The following SH3RF3 variants were observed in gnomAD, a reference collection of about 807,000 sequenced individuals.
SH3RF3 encodes SH3 domain containing ring finger 3.
SH3RF3 carries 29 observed loss-of-function variants against 66.3 expected under a neutral mutation model. The observed-to-expected ratio is 0.44, with a 90% CI of 0.33 to 0.60. The LOEUF (loss-of-function observed/expected upper bound fraction) is 0.60, where lower values mean the gene tolerates loss of function less well. SH3RF3 is among the 20% of genes least tolerant of loss of function. The pLI, the probability that SH3RF3 is intolerant of heterozygous loss-of-function variation, is 0.04. For missense variants in SH3RF3, 1,194 were observed against 1,190.9 expected (o/e 1.00, Z -0.04); for synonymous variants, 583 against 532.0 (o/e 1.10, Z -1.32).
intron 7 of SH3RF3, among the ~76,000 whole-genome samples, chr2:109,443,645 A>C (rs1401879697): frequency 5.3e-5 from 8 of 152,240 alleles, no homozygotes; most frequent in Admixed American, 5.2e-4. Flanking sequence ...AAAAATTATT[A>C]GAGATAAAAA....
intron 1 of SH3RF3, among the ~76,000 whole-genome samples, chr2:109,218,003 G>A (rs1199905696): frequency 6.6e-6 from 1 of 152,194 alleles, no homozygotes; most frequent in African/African-American, 2.4e-5. Context: ...GTGCGGACTC[G>A]AGTTTGCTTG....
intron 8 of SH3RF3, among the ~76,000 whole-genome samples, chr2:109,464,095 G>A (rs892481573): frequency 2.6e-5 from 4 of 152,120 alleles, no homozygotes; most frequent in South Asian, 2.1e-4. Flanking sequence ...CCAGCAGGCC[G>A]GGCTGCAGCA....
chr2:109,316,805 A>T (rs1384990821), intron 1 of SH3RF3, among the ~76,000 whole-genome samples: 2 of 152,272 alleles, frequency 1.3e-5, no homozygotes, highest in South Asian at 4.2e-4. Flanking sequence ...CTATCTGGTT[A>T]TCCCTCCCTG....
intron 1 of SH3RF3, among the ~76,000 whole-genome samples, chr2:109,291,225 A>G (rs1469568950): frequency 6.6e-6 from 1 of 152,184 alleles, no homozygotes; most frequent in African/African-American, 2.4e-5. Flanking sequence ...ATTATGGAGA[A>G]ATGCCAGAAA....
intron 1 of SH3RF3, among the ~76,000 whole-genome samples, chr2:109,329,433 A>G (rs1402888009): frequency 6.6e-6 from 1 of 152,212 alleles, no homozygotes; most frequent in Non-Finnish European, 1.5e-5. Context: ...TTTCAATGAG[A>G]TGTAAATCAG....
chr2:109,132,165 A>G (rs1469529), intron 1 of SH3RF3, among the ~76,000 whole-genome samples: 80,356 of 152,034 alleles, frequency 0.53, 22,111 homozygotes, highest in South Asian at 0.65. Context: ...CTAATATGCC[A>G]TGATAGCAGG....
At chr2:109,187,362 T>TTG (rs869241814) in intron 1 of SH3RF3, among the ~76,000 whole-genome samples, 2 of 3,596 alleles carry the variant, frequency 5.6e-4, no homozygotes, top group Non-Finnish European at 8.6e-4. Context: ...AACCACAGAC[T>TTG]TTTTTTTTTT....
In SH3RF3 at chr2:109,341,301, G is replaced by A. The variant is rs11679420; in HGVS notation, c.574-6373G>A. Among the ~76,000 whole-genome samples the A allele has an allele frequency of 6.6e-5, 10 of 152,266 alleles. No individual in the cohort carries two copies. The East Asian group carries it at 7.7e-4, about 12-fold the overall frequency. On this transcript the variant is annotated intron_variant, in intron 1 of 9. Transcript: ENST00000309415. ...GATAACAGTAACAAACTTCTTCATC[G>A]CGGATTAAATCTATAAAGTGGAAGA...
chr2:109,255,371 C>T (rs1190261798), intron 1 of SH3RF3, among the ~76,000 whole-genome samples: 7 of 152,122 alleles, frequency 4.6e-5, no homozygotes, highest in Non-Finnish European at 7.4e-5. Context: ...GTGCTTTATT[C>T]GGTTAACTTT....
At chr2:109,381,389 C>G (rs1057458751) in intron 3 of SH3RF3, among the ~76,000 whole-genome samples, 6 of 152,198 alleles carry the variant, frequency 3.9e-5, no homozygotes, top group Non-Finnish European at 7.3e-5. Context: ...ACTTTTACAC[C>G]TAACTTTAGC....
At chr2:109,159,095 C>T (rs539976414) in intron 1 of SH3RF3, among the ~76,000 whole-genome samples, 17 of 152,148 alleles carry the variant, frequency 1.1e-4, no homozygotes, top group Non-Finnish European at 1.6e-4. Context: ...CCAGCCTGGG[C>T]GACAGAGTGA....
Position 109,315,177 on chromosome 2 carries a change from T to C in SH3RF3, c.574-32497T>C, listed in dbSNP as rs148305658. Among the ~76,000 whole-genome samples, 12 of 152,302 alleles carry C rather than the reference T, an allele frequency of 7.9e-5. No homozygotes were observed. In the East Asian group the frequency reaches 2.3e-3, roughly 29 times the overall value. On this transcript the variant is annotated intron_variant, in intron 1 of 9. Coordinates refer to ENST00000309415, the MANE Select transcript of SH3RF3 (RefSeq NM_001099289.3). Reference sequence around the variant, plus strand: ...ATAATTAGCAGAAAGTCTTATTTGATGACTTTTCTCTGGGTCCCCCTTGTC... The same window carrying C: ...ATAATTAGCAGAAAGTCTTATTTGACGACTTTTCTCTGGGTCCCCCTTGTC...
chr2:109,349,157 T>C (rs1315233975), intron 2 of SH3RF3, among the ~76,000 whole-genome samples: 1 of 77,518 alleles, frequency 1.3e-5, no homozygotes, highest in Non-Finnish European at 2.2e-5. Flanking sequence ...ATCTGCTGAG[T>C]GCAGAGCTCG....
intron 1 of SH3RF3, among the ~76,000 whole-genome samples, chr2:109,170,244 T>TCTCTTCTC (rs1677733392): frequency 3.0e-5 from 1 of 32,966 alleles, no homozygotes; most frequent in African/African-American, 1.1e-4. Context: ...CTTCTTTTCT[T>TCTCTTCTC]TTCTCTTCTC....
At chr2:109,267,784 G>A (rs1238381977) in intron 1 of SH3RF3, among the ~76,000 whole-genome samples, 5 of 152,226 alleles carry the variant, frequency 3.3e-5, no homozygotes, top group Non-Finnish European at 5.9e-5. Flanking sequence ...TCCCTGGAGC[G>A]AGGCCGAGTC....
rs368536061 is a variant in SH3RF3 at position 109,293,515 on chromosome 2, G to A, written c.574-54159G>A. ...CTGCCAGTGGTGGGTCAGCCCCCAT[G>A]TCAGGCAGTCATCCTCTGTCCCCTG... On this transcript the variant is annotated intron_variant, in intron 1 of 9. Coordinates refer to ENST00000309415, the MANE Select transcript of SH3RF3 (RefSeq NM_001099289.3). Among the ~76,000 whole-genome samples the A allele has an allele frequency of 1.1e-4, 16 of 152,328 alleles. No homozygotes were observed. The East Asian group carries it at 3.1e-3, about 29-fold the overall frequency.
intron 1 of SH3RF3, among the ~76,000 whole-genome samples, chr2:109,276,092 G>A (rs1680751074): frequency 6.6e-6 from 1 of 152,136 alleles, no homozygotes; most frequent in African/African-American, 2.4e-5. Context: ...TCCCAGGAAG[G>A]GGGATCTCGG....
chr2:109,451,215 A>G (rs543081682), intron 8 of SH3RF3, among the ~76,000 whole-genome samples: 1 of 152,374 alleles, frequency 6.6e-6, no homozygotes, highest in Admixed American at 6.5e-5. Flanking sequence ...GAAGGGCAAC[A>G]GCTGCTCTGT....
intron 9 of SH3RF3, among the ~76,000 whole-genome samples, chr2:109,500,097 G>A (rs1329302149): frequency 6.6e-6 from 1 of 152,176 alleles, no homozygotes; most frequent in Non-Finnish European, 1.5e-5. Context: ...GGTGTGGCTG[G>A]AACCCACAGT....
Sources: allele counts gnomAD v4.1 joint callset (sites outside exome capture counted in the v4.1 genomes callset), GRCh38; gene constraint gnomAD v4.1.1; transcripts MANE v1.5; gene names NCBI Gene and HGNC (gene_info 2026-07-23, HGNC 2026-07-21).